Variants in CNOT6 observed in about 807,000 individuals in gnomAD.
CNOT6 encodes carbon catabolite repression 4 protein.
CNOT6 carries 12 observed loss-of-function variants against 61.2 expected under a neutral mutation model. The observed-to-expected ratio is 0.20, with a 90% CI of 0.13 to 0.32. The LOEUF (loss-of-function observed/expected upper bound fraction) is 0.32. Ranked by LOEUF, CNOT6 falls within the 10% of genes least tolerant of loss-of-function variation. The pLI is 1.00. For missense variants in CNOT6, 405 were observed against 663.9 expected, an observed-to-expected ratio of 0.61 and a Z score of 4.28; for synonymous variants, 225 against 240.6, an observed-to-expected ratio of 0.94 and a Z score of 0.60.
In CNOT6 at chr5:180,574,489, T is replaced by A; in HGVS notation, c.*289T>A. The stretch of plus-strand genomic sequence containing the variant: ...CTACCCAATAGAATATTTTCATGCC[T>A]GGAAATAGGAAAATGTGTGAACAGC... On this transcript the variant is annotated 3_prime_UTR_variant, in exon 12 of 12. Transcript: ENST00000261951. The A allele has an allele frequency of 2.3e-6, 1 of 444,282 alleles. No individual in the cohort carries two copies. The highest frequency in any genetic ancestry group is 4.1e-6 in the Non-Finnish European group (1 of 242,840). The allele number at this position is 444,282 out of a possible 1,614,324, so 27.5% of individuals were successfully genotyped here.
At position 180,552,464 on chromosome 5, in the gene CNOT6, A is replaced by G. The variant is rs544617539; in HGVS notation, c.300-922A>G. Among the ~76,000 whole-genome samples, 204 of 150,418 alleles carry G rather than the reference A, an allele frequency of 1.4e-3. 3 individuals are homozygous for G. Among genetic ancestry groups the G allele is most frequent in the Non-Finnish European group, 2.3e-3 (156 of 67,530 alleles). ...AGACCATCCTGGCTAACACGGTGAA[A>G]CCCCGTCTCTACTAAAAATACAAAA... On this transcript the variant is annotated intron_variant, in intron 3 of 11. Transcript: ENST00000261951.
intron 2 of CNOT6, among the ~76,000 whole-genome samples, chr5:180,540,555 AT>A (rs1203120020): frequency 1.3e-5 from 2 of 152,340 alleles, no homozygotes; most frequent in African/African-American, 4.8e-5. Context: ...TCAACACTTG[AT>A]TAAAAATAGG....
chr5:180,544,857 G>C (rs1759232756), intron 2 of CNOT6, among the ~76,000 whole-genome samples: 1 of 152,180 alleles, frequency 6.6e-6, no homozygotes, highest in Non-Finnish European at 1.5e-5. Flanking sequence ...TACTTGGGAA[G>C]CTGAAGCAGG....
intron 1 of CNOT6, among the ~76,000 whole-genome samples, chr5:180,503,268 T>C (rs1756963793): frequency 6.6e-6 from 1 of 150,844 alleles, no homozygotes; most frequent in African/African-American, 2.4e-5. Context: ...TTTTCTTTTT[T>C]TTTTTTTTTT....
At chr5:180,531,656 C>T (rs991335901) in intron 2 of CNOT6, among the ~76,000 whole-genome samples, 18 of 152,154 alleles carry the variant, frequency 1.2e-4, no homozygotes, top group Non-Finnish European at 2.1e-4. Context: ...GAGGTTGTAG[C>T]GAGCCGAGAT....
intron 2 of CNOT6, among the ~76,000 whole-genome samples, chr5:180,544,100 C>T (rs541687307): frequency 1.2e-4 from 18 of 152,310 alleles, no homozygotes; most frequent in South Asian, 6.2e-4. Flanking sequence ...CGTGAGCCAC[C>T]GCTCCTGGCC....
At chr5:180,515,574 T>G (rs1199328187) in intron 1 of CNOT6, among the ~76,000 whole-genome samples, 1 of 152,146 alleles carries the variant, frequency 6.6e-6, no homozygotes. Flanking sequence ...AGGTAATCGA[T>G]GGCAGTGTGG....
intron 1 of CNOT6, among the ~76,000 whole-genome samples, chr5:180,525,264 C>A (rs541668638): frequency 6.6e-6 from 1 of 152,062 alleles, no homozygotes; most frequent in Non-Finnish European, 1.5e-5. Context: ...AGGCCGGGTG[C>A]GGTGGCTCAT....
At chr5:180,523,340 A>G (rs1300697381) in intron 1 of CNOT6, among the ~76,000 whole-genome samples, 28 of 152,074 alleles carry the variant, frequency 1.8e-4, no homozygotes, top group Admixed American at 1.8e-3. Context: ...GGGTTGTGGC[A>G]TATCTGCTGG....
Position 180,569,162 on chromosome 5 carries a change from C to T in CNOT6, c.1080C>T (p.Ala360=), listed in dbSNP as rs774351366. ...AACAACTTATTCTTGTGGCTAACGC[C>T]CACATGCATTGGGACCCTGAATACT... ...TEKQLILVAN[A]HMHWDPEYSD... Residue 360 remains alanine, a synonymous_variant, in exon 10 of 12, where the codon GCC becomes GCT. Transcript: ENST00000261951. 5.0e-5 allele frequency: 81 copies of T among 1,613,958 alleles called. No homozygotes were observed. The highest frequency in any genetic ancestry group is 2.7e-4 in the Admixed American group (16 of 59,990).
At chr5:180,523,153 GTGGGGAAAA>G (rs1182286677) in intron 1 of CNOT6, among the ~76,000 whole-genome samples, 9 of 152,204 alleles carry the variant, frequency 5.9e-5, no homozygotes, top group African/African-American at 1.7e-4. Context: ...TGCTTGGTGT[GTGGGGAAAA>G]ACCTTCACAC....
At chr5:180,530,178 TGTC>T (rs1758286025) in intron 2 of CNOT6, among the ~76,000 whole-genome samples, 1 of 152,268 alleles carries the variant, frequency 6.6e-6, no homozygotes, top group Non-Finnish European at 1.5e-5. Flanking sequence ...GAACAAATTT[TGTC>T]GTCTTTCACC....
rs1760731501 is a variant in CNOT6, at chr5:180,571,248, G to C, written c.1277G>C (p.Ser426Thr). 1.2e-6 allele frequency: 2 copies of C among 1,613,570 alleles called. No homozygotes were observed. The highest frequency in any genetic ancestry group is 1.7e-6 in the Non-Finnish European group (2 of 1,179,540). ...ATTGTAGGTGTTGTAGAATATTTGA[G>C]CACAGGTGGAGTAGAAACAAATCAC... ...LPDSGVVEYL[S>T]TGGVETNHKD... The change falls in exon 11 of 12, where the codon AGC (serine) becomes ACC (threonine). Residue 426 changes from serine to threonine, a missense_variant. Around this residue, in one of 5 missense-constraint regions of CNOT6, gnomAD observed 116 missense variants for 184.6 expected, o/e 0.63. Coordinates refer to ENST00000261951, the MANE Select transcript of CNOT6 (RefSeq NM_001370472.1).
chr5:180,569,234 G>A lies in CNOT6; in HGVS notation c.1152G>A (p.Lys384=), dbSNP rs764842807. The change falls in exon 10 of 12, where the codon AAG becomes AAA. Residue 384 remains lysine, a synonymous_variant. Coordinates refer to ENST00000261951, the MANE Select transcript of CNOT6 (RefSeq NM_001370472.1). ...CTATGATGTTCCTCTCAGAAGTGAA[G>A]AACATTATTGATAAAGCCTCTCGCA... is the stretch of plus-strand genomic sequence containing the variant. ...VQTMMFLSEV[K]NIIDKASRNL... The A allele has an allele frequency of 1.5e-5, 24 of 1,614,154 alleles. No homozygotes were observed. Among genetic ancestry groups the A allele is most frequent in the Non-Finnish European group, 2.0e-5 (24 of 1,179,996 alleles).
intron 1 of CNOT6, among the ~76,000 whole-genome samples, chr5:180,526,023 C>T (rs1046417993): frequency 5.9e-5 from 9 of 152,154 alleles, no homozygotes; most frequent in Non-Finnish European, 2.9e-5. Flanking sequence ...GCTTTGAACT[C>T]CTGGACTCAA....
intron 2 of CNOT6, among the ~76,000 whole-genome samples, chr5:180,539,770 T>C (rs1476287936): frequency 2.6e-5 from 4 of 151,840 alleles, no homozygotes; most frequent in Non-Finnish European, 5.9e-5. Flanking sequence ...TTTGTATTTT[T>C]AGTAGAGACA....
chr5:180,530,533 GTC>G (rs1033503976), intron 2 of CNOT6, among the ~76,000 whole-genome samples: 60 of 150,720 alleles, frequency 4.0e-4, no homozygotes, highest in African/African-American at 1.3e-3. Context: ...ACACACACGG[GTC>G]TCTCCTGTTT....
At chr5:180,538,070 G>A (rs1248034022) in intron 2 of CNOT6, among the ~76,000 whole-genome samples, 8 of 124,172 alleles carry the variant, frequency 6.4e-5, no homozygotes, top group East Asian at 2.4e-4. Context: ...ACGGAGTCTC[G>A]CTCTGTTGCT....
intron 1 of CNOT6, among the ~76,000 whole-genome samples, chr5:180,505,612 A>G (rs1413202436): frequency 7.1e-6 from 1 of 141,056 alleles, no homozygotes; most frequent in Non-Finnish European, 1.5e-5. Context: ...CAGTGGCGCG[A>G]TCTCGGCTCA....
Sources: allele counts gnomAD v4.1 joint callset (sites outside exome capture counted in the v4.1 genomes callset), GRCh38; gene constraint gnomAD v4.1.1; regional missense constraint gnomAD v4.1.1; transcripts MANE v1.5; gene names NCBI Gene and HGNC (gene_info 2026-07-23, HGNC 2026-07-21).